The following ENOX2 variants were observed in gnomAD, a reference collection of about 807,000 sequenced individuals.
ENOX2 encodes ecto-NOX disulfide-thiol exchanger 2.
A neutral mutation model predicts 45.0 loss-of-function variants in ENOX2; 36 were observed. The ratio of observed to expected loss-of-function variants is 0.80; its 90% CI spans 0.61 to 1.06. The LOEUF (loss-of-function observed/expected upper bound fraction) is 1.06, where lower values mean the gene tolerates loss of function less well. Among genes scored for constraint, ENOX2 ranks in the 50% least tolerant of loss-of-function variants. ENOX2 has a pLI of 0.00. For missense variants in ENOX2, 423 were observed against 462.5 expected, an observed-to-expected ratio of 0.91 and a Z score of 0.78; for synonymous variants, 174 against 152.3, an observed-to-expected ratio of 1.14 and a Z score of -1.05.
chrX:130,826,512 T>C (rs1299147514), intron 2 of ENOX2, among the ~76,000 whole-genome samples: 1 of 111,935 alleles, frequency 8.9e-6, no homozygotes, highest in Non-Finnish European at 1.9e-5. Flanking sequence ...CCTCTGTTAA[T>C]TATACACAAC....
rs188141133 is a variant in ENOX2 at position 130,722,297 on chromosome X, G to A, written c.-38-19043C>T. Among the ~76,000 whole-genome samples the A allele has an allele frequency of 2.2e-3, 248 of 112,175 alleles. 1 individual carries two copies. Among genetic ancestry groups the A allele is most frequent in the Non-Finnish European group, 3.6e-3 (191 of 53,243 alleles). On this transcript the variant is annotated intron_variant, in intron 3 of 14. Coordinates refer to ENST00000394363, the MANE Select transcript of ENOX2 (RefSeq NM_006375.4). ...TTCCCCAGGGGCAGCATTTCTCAGA[G>A]AAGCAAGCTTAGAAGTCATTTGGGA...
Position 130,688,922 on chromosome X carries a change from A to T in ENOX2, c.194T>A (p.Met65Lys). Residue 65 changes from methionine to lysine, a missense_variant, in exon 5 of 15, where the codon ATG (methionine) becomes AAG (lysine). By Grantham distance (95) the Met-to-Lys change is moderately conservative. Around this residue, in one of 5 missense-constraint regions of ENOX2, gnomAD observed 261 missense variants for 306.8 expected, o/e 0.85. Transcript: ENST00000394363. Reference sequence around the variant, plus strand: ...GTGTATGATCTCTTTTACTACTGGCATATCTGGAGGAATTGGTGGAGGTAC... The same window carrying T: ...GTGTATGATCTCTTTTACTACTGGCTTATCTGGAGGAATTGGTGGAGGTAC... ...GIVPPPIPPD[M>K]PVVKEIIHCK... 1 of 1,196,736 alleles carries T rather than the reference A, an allele frequency of 8.4e-7. No individual in the cohort carries two copies. Among genetic ancestry groups the T allele is most frequent in the Non-Finnish European group, 1.1e-6 (1 of 881,941 alleles).
At chrX:130,809,478 T>C (rs1392598891) in intron 2 of ENOX2, among the ~76,000 whole-genome samples, 1 of 112,185 alleles carries the variant, frequency 8.9e-6, no homozygotes, top group Admixed American at 9.4e-5. Flanking sequence ...CATGGTCCTT[T>C]AAACAAGGCC....
chrX:130,660,241 C>T (rs1002235943), intron 9 of ENOX2, among the ~76,000 whole-genome samples: 5 of 111,406 alleles, frequency 4.5e-5, no homozygotes, highest in East Asian at 2.8e-4. Flanking sequence ...CTATATCACA[C>T]GAATGAGATA....
chrX:130,638,257 G>A (rs770389907), intron 10 of ENOX2, among the ~76,000 whole-genome samples: 3 of 109,039 alleles, frequency 2.8e-5, no homozygotes. Context: ...CAGTAGAGGC[G>A]GGGTTTTGCC....
intron 10 of ENOX2, among the ~76,000 whole-genome samples, chrX:130,652,934 A>G (rs1192524188): frequency 8.9e-6 from 1 of 112,306 alleles, no homozygotes; most frequent in Non-Finnish European, 1.9e-5. Context: ...TTGATCTCAG[A>G]CTTCTAGCTT....
rs191652075 is a variant in ENOX2, at chrX:130,803,890, T to A, written c.-182-20200A>T. On this transcript the variant is annotated intron_variant, in intron 2 of 14. Transcript: ENST00000394363. ...GATCTGAAAATAAAAAGAAATGAAT[T>A]GTATTTTTTTCCAAAAGCTATACAA... Among the ~76,000 whole-genome samples the A allele has an allele frequency of 4.0e-3, 449 of 111,696 alleles. 2 individuals carry two copies. The highest frequency in any genetic ancestry group is 0.014 in the African/African-American group (424 of 30,752).
At chrX:130,690,402 T>C (rs1329933132) in intron 4 of ENOX2, among the ~76,000 whole-genome samples, 2 of 112,034 alleles carry the variant, frequency 1.8e-5, no homozygotes, top group African/African-American at 6.5e-5. Flanking sequence ...ATTGTTTAAA[T>C]CTTGCCTCTA....
intron 2 of ENOX2, among the ~76,000 whole-genome samples, chrX:130,878,877 A>G (rs1205718720): frequency 8.9e-6 from 1 of 112,606 alleles, no homozygotes; most frequent in Non-Finnish European, 1.9e-5. Context: ...GATGTTTTAT[A>G]TTTATTTGTT....
At chrX:130,632,628 T>C (rs1327611653) in intron 12 of ENOX2, among the ~76,000 whole-genome samples, 3 of 112,082 alleles carry the variant, frequency 2.7e-5, no homozygotes, top group Non-Finnish European at 5.6e-5. Flanking sequence ...TTTTCACTTC[T>C]TCTCTTTCCA....
chrX:130,631,406 G>T (rs952943134), intron 13 of ENOX2, 62 bp downstream of exon 13: 1 of 627,888 alleles, frequency 1.6e-6, no homozygotes, highest in Non-Finnish European at 2.7e-6. Context: ...CTTAGGTAAA[G>T]CCCTCCTCTC....
At chrX:130,660,931 C>G (rs779057591) in intron 9 of ENOX2, among the ~76,000 whole-genome samples, 1 of 111,845 alleles carries the variant, frequency 8.9e-6, no homozygotes, top group South Asian at 3.8e-4. Context: ...TAATGGGGAA[C>G]AATGTACTTT....
Position 130,831,000 on chromosome X carries a change from T to A in ENOX2, c.-182-47310A>T, listed in dbSNP as rs912824935. On this transcript the variant is annotated intron_variant, in intron 2 of 14. Coordinates refer to ENST00000394363, the MANE Select transcript of ENOX2 (RefSeq NM_006375.4). ...AAGACCAATATTAAGGGGCTACATC[T>A]GGCAAGGGCCTTCATGCTACATCAT... Among the ~76,000 whole-genome samples the A allele has an allele frequency of 3.6e-5, 4 of 111,990 alleles. No homozygotes were observed. The Admixed American group carries it at 3.8e-4, about 11-fold the overall frequency.
At chrX:130,786,535 C>T (rs1603350147) in intron 2 of ENOX2, among the ~76,000 whole-genome samples, 2 of 87,002 alleles carry the variant, frequency 2.3e-5, no homozygotes, top group Non-Finnish European at 4.5e-5. Context: ...GTATATCTCC[C>T]AATGCTATCC....
intron 3 of ENOX2, among the ~76,000 whole-genome samples, chrX:130,757,989 G>C (rs1164620430): frequency 8.9e-6 from 1 of 111,966 alleles, no homozygotes; most frequent in Admixed American, 9.5e-5. Context: ...TCTATAAAAT[G>C]AGGCTTATGA....
intron 4 of ENOX2, among the ~76,000 whole-genome samples, chrX:130,689,624 T>C (rs920957426): frequency 3.5e-4 from 39 of 112,193 alleles, no homozygotes; most frequent in Admixed American, 3.1e-3. Flanking sequence ...CCTGGAATTA[T>C]TTGGGCCTCC....
chrX:130,828,099 G>A (rs1437263989), intron 2 of ENOX2, among the ~76,000 whole-genome samples: 2 of 111,899 alleles, frequency 1.8e-5, no homozygotes, highest in African/African-American at 6.5e-5. Context: ...CCACTAGAAC[G>A]GTGTAACCTG....
rs1415033903 is a variant in ENOX2 at position 130,832,071 on chromosome X, T to TA, written c.-182-48382dup. On this transcript the variant is annotated intron_variant, in intron 2 of 14. Coordinates refer to ENST00000394363, the MANE Select transcript of ENOX2 (RefSeq NM_006375.4). Reference sequence around the variant, plus strand: ...TTTTTGTGGTGATCTCTGTCTGAATTAAAAAAAAAAATCTACAAAATTAAA... The same window carrying TA: ...TTTTTGTGGTGATCTCTGTCTGAATTAAAAAAAAAAAATCTACAAAATTAAA... 5.2e-3 allele frequency among the ~76,000 whole-genome samples: 552 copies of TA among 106,282 alleles called. 1 individual carries two copies. Among genetic ancestry groups the TA allele is most frequent in the African/African-American group, 0.017 (511 of 29,457 alleles). 92.3% of individuals were successfully genotyped at this position (106,282 alleles called of 115,157 possible).
At chrX:130,650,539 C>A (rs1401517943) in intron 10 of ENOX2, among the ~76,000 whole-genome samples, 1 of 112,185 alleles carries the variant, frequency 8.9e-6, no homozygotes, top group Non-Finnish European at 1.9e-5. Flanking sequence ...GTTCTTTGTA[C>A]ATTGCCAGAA....
Sources: gnomAD v4.1 joint callset for allele counts (sites outside exome capture counted in the v4.1 genomes callset) on GRCh38, gnomAD v4.1.1 for gene constraint, gnomAD v4.1.1 regional missense constraint, MANE v1.5 for transcripts, NCBI Gene and HGNC (gene_info 2026-07-23, HGNC 2026-07-21) for gene names.